RLF: variants seen among roughly 807,000 people sequenced by gnomAD.
RLF encodes the protein zinc finger protein Rlf.
A neutral mutation model predicts 162.9 loss-of-function variants in RLF; 7 were observed. The ratio of observed to expected loss-of-function variants is 0.04; its 90% CI spans 0.02 to 0.08. The LOEUF is 0.08. Among genes scored for constraint, RLF ranks in the 10% least tolerant of loss-of-function variants. The pLI is 1.00. For synonymous variants in RLF, 782 were observed against 791.5 expected, an observed-to-expected ratio of 0.99 and a Z score of 0.20; for missense variants, 1,664 against 2,244.7, an observed-to-expected ratio of 0.74 and a Z score of 5.23.
At chr1:40,162,865 C>T (rs1642115385) in intron 1 of RLF, among the ~76,000 whole-genome samples, 1 of 152,122 alleles carries the variant, frequency 6.6e-6, no homozygotes, top group Non-Finnish European at 1.5e-5. Context: ...AGTAGTCATC[C>T]CTGTTTAGTA....
chr1:40,210,058 A>C (rs1302674334), intron 5 of RLF, among the ~76,000 whole-genome samples: 1 of 152,150 alleles, frequency 6.6e-6, no homozygotes, highest in African/African-American at 2.4e-5. Context: ...TCAGCACCTG[A>C]CACATGCCAA....
chr1:40,228,264 C>T (rs1295714454), intron 6 of RLF, among the ~76,000 whole-genome samples: 4 of 148,940 alleles, frequency 2.7e-5, no homozygotes. Context: ...CGAGCCTGGG[C>T]AACAGAACAA....
intron 6 of RLF, among the ~76,000 whole-genome samples, chr1:40,228,208 C>G (rs1643103464): frequency 6.6e-6 from 1 of 151,682 alleles, no homozygotes; most frequent in Admixed American, 6.6e-5. Context: ...ATTGCTTGAA[C>G]TTGGGAGGCA....
intron 3 of RLF, among the ~76,000 whole-genome samples, chr1:40,193,936 AT>A (rs1642594924): frequency 6.6e-6 from 1 of 152,186 alleles, no homozygotes; most frequent in South Asian, 2.1e-4. Context: ...ATGGAAGCTT[AT>A]GTTCCTAGAG....
At chr1:40,177,498 T>TC (rs1642343899) in intron 1 of RLF, among the ~76,000 whole-genome samples, 2 of 151,878 alleles carry the variant, frequency 1.3e-5, no homozygotes, top group Admixed American at 1.3e-4. Flanking sequence ...TTTCATGGTG[T>TC]TAGCCAGGAT....
In RLF at chr1:40,231,540, A is replaced by C; in HGVS notation, c.971A>C (p.Lys324Thr). The change falls in exon 7 of 8, where the codon AAA becomes ACA. Residue 324 changes from lysine to threonine, a missense_variant. This residue lies in a region of RLF where 287 missense variants were observed against 404.9 expected (regional missense o/e 0.71). Coordinates refer to ENST00000372771, the MANE Select transcript of RLF (RefSeq NM_012421.4). ...AGGGAACTGACTCTTTTTTGGAGTA[A>C]ACTGCAAAGAAGAATTGACCCTTCT... ...CSWELTLFWS[K>T]LQRRIDPSLD... 4 of 1,613,334 alleles carry C rather than the reference A, an allele frequency of 2.5e-6. No individual in the cohort carries two copies. Among genetic ancestry groups the C allele is most frequent in the Non-Finnish European group, 3.4e-6 (4 of 1,179,694 alleles).
intron 1 of RLF, among the ~76,000 whole-genome samples, chr1:40,187,093 G>A (rs553955588): frequency 3.5e-4 from 53 of 151,318 alleles, no homozygotes; most frequent in Admixed American, 1.8e-3. Flanking sequence ...GTGCAGTGGC[G>A]CAATCTTGGC....
chr1:40,173,682 T>G (rs2124526437), intron 1 of RLF, among the ~76,000 whole-genome samples: 1 of 152,044 alleles, frequency 6.6e-6, no homozygotes, highest in South Asian at 2.1e-4. Flanking sequence ...CCCAGCTAAT[T>G]TTTTGTATTT....
intron 6 of RLF, among the ~76,000 whole-genome samples, chr1:40,231,298 TC>T (rs1342047134): frequency 6.6e-6 from 1 of 152,142 alleles, no homozygotes; most frequent in Admixed American, 6.6e-5. Flanking sequence ...TTTTTATTTT[TC>T]CCCCTAAACA....
At chr1:40,232,922 C>T (rs913377293) in intron 7 of RLF, among the ~76,000 whole-genome samples, 2 of 151,908 alleles carry the variant, frequency 1.3e-5, no homozygotes, top group Non-Finnish European at 1.5e-5. Flanking sequence ...CTTTGTTGCC[C>T]AGACTGGTTC....
intron 1 of RLF, 94 bp from the exon 2 acceptor site, chr1:40,188,960 GA>G (rs1014728302): frequency 5.8e-5 from 45 of 779,030 alleles, no homozygotes; most frequent in South Asian, 1.4e-4. Context: ...GCATCTGTTA[GA>G]AAAAAAATGG....
chr1:40,226,750 C>A (rs959406995), intron 6 of RLF, among the ~76,000 whole-genome samples: 42 of 152,072 alleles, frequency 2.8e-4, no homozygotes, highest in African/African-American at 1.0e-3. Context: ...TTATTTACTT[C>A]ATTCCTAAAA....
Position 40,188,456 on chromosome 1 carries a change from G to A in RLF, c.238-599G>A, listed in dbSNP as rs901672275. ...TTGTAACCAAATAAACTGGCATTTG[G>A]CCTATATGGTAATTTTCTTCATAAA... On this transcript the variant is annotated intron_variant, in intron 1 of 7. Transcript: ENST00000372771. Among the ~76,000 whole-genome samples the A allele has an allele frequency of 1.4e-4, 22 of 152,196 alleles. 1 individual carries two copies. Among genetic ancestry groups the A allele is most frequent in the African/African-American group, 5.3e-4 (22 of 41,526 alleles).
intron 7 of RLF, among the ~76,000 whole-genome samples, chr1:40,233,094 CAA>C (rs778637305): frequency 2.8e-4 from 22 of 77,298 alleles, no homozygotes; most frequent in Admixed American, 6.0e-4. Flanking sequence ...GACTCTGTCT[CAA>C]AAAAAAAAAA....
At chr1:40,178,856 A>T (rs1242463461) in intron 1 of RLF, among the ~76,000 whole-genome samples, 1 of 150,596 alleles carries the variant, frequency 6.6e-6, no homozygotes, top group Non-Finnish European at 1.5e-5. Context: ...ATTTTTTGAG[A>T]TGGAGCCTCG....
At chr1:40,209,883 A>G (rs1249249258) in intron 5 of RLF, among the ~76,000 whole-genome samples, 1 of 152,116 alleles carries the variant, frequency 6.6e-6, no homozygotes, top group African/African-American at 2.4e-5. Flanking sequence ...GTCTTAAAAA[A>G]AAAAAAAAAA....
intron 1 of RLF, among the ~76,000 whole-genome samples, chr1:40,182,911 G>A (rs1002070676): frequency 6.6e-6 from 1 of 152,106 alleles, no homozygotes; most frequent in African/African-American, 2.4e-5. Flanking sequence ...ATTTACTCTA[G>A]CCACTTAACT....
intron 7 of RLF, among the ~76,000 whole-genome samples, chr1:40,232,216 T>TA (rs536086286): frequency 0.014 from 1,923 of 140,772 alleles, 25 homozygotes; most frequent in African/African-American, 0.034. Context: ...TTTTTTTTTT[T>TA]AAAAAAAAAA....
chr1:40,167,348 T>C (rs910077623), intron 1 of RLF, among the ~76,000 whole-genome samples: 3 of 152,220 alleles, frequency 2.0e-5, no homozygotes, highest in African/African-American at 7.2e-5. Context: ...TTTAGCGATA[T>C]CTAAATAGAA....
Sources: gnomAD v4.1 joint callset for allele counts (sites outside exome capture counted in the v4.1 genomes callset) on GRCh38, gnomAD v4.1.1 for gene constraint, gnomAD v4.1.1 regional missense constraint, MANE v1.5 for transcripts, NCBI Gene and HGNC (gene_info 2026-07-23, HGNC 2026-07-21) for gene names.